The following TLN2 variants were observed in gnomAD, a reference collection of about 807,000 sequenced individuals.
TLN2 encodes talin-2.
In TLN2, 118 loss-of-function variants were observed where a neutral mutation model predicts 294.7. The observed-to-expected ratio is 0.40, with a 90% CI of 0.34 to 0.47. The LOEUF is 0.47. TLN2 is among the 20% of genes least tolerant of loss of function. The pLI, the probability that TLN2 is intolerant of heterozygous loss-of-function variation, is 0.84. For synonymous variants in TLN2, 1,431 were observed against 1,304.5 expected (o/e 1.10, Z -2.09); for missense variants, 3,083 against 3,282.2 (o/e 0.94, Z 1.48).
intron 2 of TLN2, among the ~76,000 whole-genome samples, chr15:62,606,920 C>T (rs756080395): frequency 6.6e-6 from 1 of 152,200 alleles, no homozygotes; most frequent in Non-Finnish European, 1.5e-5. Context: ...AAGTGCTCCA[C>T]GGTGGGCCAC....
At chr15:62,782,783 G>A (rs1233574807) in intron 44 of TLN2, among the ~76,000 whole-genome samples, 1 of 152,228 alleles carries the variant, frequency 6.6e-6, no homozygotes, top group Admixed American at 6.5e-5. Flanking sequence ...TTCCTGTCCT[G>A]CCTTGATGGA....
At chr15:62,438,386 G>C (rs1489308818) in intron 1 of TLN2, among the ~76,000 whole-genome samples, 1 of 152,152 alleles carries the variant, frequency 6.6e-6, no homozygotes, top group Non-Finnish European at 1.5e-5. Context: ...TATCTGAAAG[G>C]TCCTTTCCTA....
intron 1 of TLN2, 71 bp downstream of exon 1, chr15:62,390,756 C>G (rs183583504): frequency 5.0e-4 from 76 of 152,266 alleles, no homozygotes; most frequent in African/African-American, 1.8e-3. Flanking sequence ...TTTCTCGTGT[C>G]TTTTCCCTCC....
At chr15:62,636,211 G>T (rs1359343899) in intron 3 of TLN2, among the ~76,000 whole-genome samples, 3 of 151,896 alleles carry the variant, frequency 2.0e-5, no homozygotes, top group African/African-American at 7.3e-5. Flanking sequence ...TAGAGAACTA[G>T]ACTTAATGAC....
At chr15:62,791,997 T>A (rs2065107137) in intron 45 of TLN2, among the ~76,000 whole-genome samples, 1 of 152,208 alleles carries the variant, frequency 6.6e-6, no homozygotes, top group South Asian at 2.1e-4. Flanking sequence ...GTGTGCCTGC[T>A]GAGCTTTTAG....
intron 17 of TLN2, 83 bp downstream of exon 17, chr15:62,701,297 C>G (rs2058705843): frequency 1.6e-5 from 18 of 1,141,524 alleles, no homozygotes; most frequent in Non-Finnish European, 2.2e-5. Flanking sequence ...AATAAGTTAT[C>G]TGTTGATTGA....
intron 40 of TLN2, 111 bp from the exon 41 acceptor site, chr15:62,766,210 C>A: frequency 2.3e-6 from 2 of 864,506 alleles, no homozygotes; most frequent in Non-Finnish European, 1.8e-6. Flanking sequence ...CGCAGGCATT[C>A]TAATGTCTGC....
At chr15:62,832,850 T>C (rs749310211) in intron 54 of TLN2, 4 of 152,154 alleles carry the variant, frequency 2.6e-5, no homozygotes, top group Non-Finnish European at 5.9e-5. Flanking sequence ...TTTTTTTTTT[T>C]TAAAGTCCAT....
intron 57 of TLN2, 193 bp downstream of exon 57, chr15:62,836,266 G>C (rs747598127): frequency 5.9e-6 from 5 of 845,012 alleles, no homozygotes; most frequent in East Asian, 2.7e-5. Flanking sequence ...CATTCTCCTC[G>C]TGTGCCTTCT....
intron 1 of TLN2, among the ~76,000 whole-genome samples, chr15:62,566,040 C>G (rs2043366043): frequency 6.6e-6 from 1 of 151,946 alleles, no homozygotes; most frequent in Non-Finnish European, 1.5e-5. Flanking sequence ...TGTAAACTCT[C>G]AAGCATAAAT....
At chr15:62,531,789 C>T (rs994356873) in intron 1 of TLN2, among the ~76,000 whole-genome samples, 4 of 152,118 alleles carry the variant, frequency 2.6e-5, no homozygotes, top group Non-Finnish European at 5.9e-5. Flanking sequence ...AACCTGAAAA[C>T]ATGGTAGATT....
intron 2 of TLN2, among the ~76,000 whole-genome samples, chr15:62,599,832 G>C (rs2046839919): frequency 6.6e-6 from 1 of 152,158 alleles, no homozygotes; most frequent in African/African-American, 2.4e-5. Flanking sequence ...AGCGCTTGCT[G>C]TCCCTGTTGG....
Position 62,497,424 on chromosome 15 carries a change from G to C in TLN2, c.-237-92263G>C, listed in dbSNP as rs542902272. Reference sequence around the variant, plus strand: ...ACCCTTAGTTAGATCCTCTCTGGGTGATTTGTTTCCCCAGTGGTACTTTCC... The same window carrying C: ...ACCCTTAGTTAGATCCTCTCTGGGTCATTTGTTTCCCCAGTGGTACTTTCC... On this transcript the variant is annotated intron_variant, in intron 1 of 58. Transcript: ENST00000636159. 1.6e-4 allele frequency among the ~76,000 whole-genome samples: 25 copies of C among 152,338 alleles called. No individual in the cohort carries two copies. In the South Asian group the frequency reaches 3.9e-3, roughly 24 times the overall value.
intron 1 of TLN2, among the ~76,000 whole-genome samples, chr15:62,546,605 C>T (rs1225808957): frequency 6.6e-6 from 1 of 152,142 alleles, no homozygotes; most frequent in Non-Finnish European, 1.5e-5. Context: ...GTTGCAAGGA[C>T]AGCATAGAGA....
intron 1 of TLN2, among the ~76,000 whole-genome samples, chr15:62,441,867 T>C (rs921848355): frequency 7.9e-5 from 12 of 152,152 alleles, no homozygotes; most frequent in Admixed American, 7.2e-4. Flanking sequence ...ACGTGGAGGT[T>C]TGTGGCGGGT....
At chr15:62,698,537 C>G (rs1051918240) in intron 15 of TLN2, among the ~76,000 whole-genome samples, 5 of 152,212 alleles carry the variant, frequency 3.3e-5, no homozygotes, top group African/African-American at 1.2e-4. Context: ...ATTATAATCC[C>G]TCCGTGGCAA....
intron 1 of TLN2, among the ~76,000 whole-genome samples, chr15:62,537,354 G>A (rs984447581): frequency 6.6e-6 from 1 of 152,110 alleles, no homozygotes; most frequent in African/African-American, 2.4e-5. Flanking sequence ...TAAACAGGTG[G>A]TGTTCAAGGA....
intron 1 of TLN2, among the ~76,000 whole-genome samples, chr15:62,436,732 A>T (rs1428448574): frequency 1.3e-5 from 2 of 151,758 alleles, no homozygotes; most frequent in African/African-American, 4.8e-5. Flanking sequence ...TTATTTATTT[A>T]TTTTTTTTAG....
At chr15:62,826,201 T>C (rs1392256100) in intron 54 of TLN2, among the ~76,000 whole-genome samples, 1 of 151,948 alleles carries the variant, frequency 6.6e-6, no homozygotes. Context: ...ATATCGACAT[T>C]CAAGGGCCCC....
Sources: allele counts gnomAD v4.1 joint callset (sites outside exome capture counted in the v4.1 genomes callset), GRCh38; gene constraint gnomAD v4.1.1; transcripts MANE v1.5; gene names NCBI Gene and HGNC (gene_info 2026-07-23, HGNC 2026-07-21).